NEMF: variants seen among roughly 807,000 people sequenced by gnomAD.
The protein encoded by NEMF is ribosome quality control complex subunit NEMF.
In NEMF, 89 loss-of-function variants were observed where a neutral mutation model predicts 162.2. That is an observed-to-expected ratio of 0.55 (90% CI 0.46 to 0.65). The LOEUF (loss-of-function observed/expected upper bound fraction) is 0.65. NEMF is among the 30% of genes least tolerant of loss of function. NEMF has a pLI of 0.00. For synonymous variants in NEMF, 421 were observed against 404.5 expected (o/e 1.04, Z -0.49); for missense variants, 1,133 against 1,261.9 (o/e 0.90, Z 1.55).
At chr14:49,839,268 G>C (rs1159915670) in intron 5 of NEMF, 12 of 151,598 alleles carry the variant, frequency 7.9e-5, no homozygotes. Flanking sequence ...ATTTAGTAGA[G>C]TCGGGGTTTC....
At chr14:49,815,257 T>C (rs546903721) in intron 16 of NEMF, among the ~76,000 whole-genome samples, 6 of 152,280 alleles carry the variant, frequency 3.9e-5, no homozygotes, top group South Asian at 2.1e-4. Context: ...TCTCAATAAA[T>C]GAACGTAATT....
At chr14:49,852,439 G>A (rs980079607) in intron 1 of NEMF, among the ~76,000 whole-genome samples, 2 of 152,242 alleles carry the variant, frequency 1.3e-5, no homozygotes, top group Admixed American at 1.3e-4. Context: ...GGCCAACAAT[G>A]CAAGAGCTTC....
intron 3 of NEMF, chr14:49,849,719 T>C (rs1300701248): frequency 6.6e-6 from 1 of 152,230 alleles, no homozygotes; most frequent in Non-Finnish European, 1.5e-5. Context: ...TGAAATTGTA[T>C]TTGTTCTTCA....
At chr14:49,851,765 C>A in intron 2 of NEMF, 42 bp downstream of exon 2, 3 of 1,462,372 alleles carry the variant, frequency 2.1e-6, no homozygotes, top group East Asian at 2.3e-5. Flanking sequence ...TAATCTCATA[C>A]TTAATTGTCA....
chr14:49,790,183 G>C (rs1890374451), intron 26 of NEMF, among the ~76,000 whole-genome samples: 1 of 152,054 alleles, frequency 6.6e-6, no homozygotes, highest in Non-Finnish European at 1.5e-5. Context: ...CACCGTAAAA[G>C]ACTGATACAT....
intron 4 of NEMF, among the ~76,000 whole-genome samples, chr14:49,841,279 A>G (rs1893194083): frequency 6.6e-6 from 1 of 151,736 alleles, no homozygotes; most frequent in South Asian, 2.1e-4. Context: ...AGACTACTTA[A>G]AAATTGAGAA....
intron 19 of NEMF, among the ~76,000 whole-genome samples, chr14:49,805,819 C>A (rs112625886): frequency 6.6e-6 from 1 of 152,074 alleles, no homozygotes; most frequent in African/African-American, 2.4e-5. Flanking sequence ...AAAACGGTAT[C>A]CCCTATCACT....
chr14:49,782,594 G>T lies in NEMF; in HGVS notation c.*2042C>A. The stretch of plus-strand genomic sequence containing the variant: ...TCAGTTCAACCAAAATCTCTTGTAC[G>T]GTAAGTAACTTTGTACTTGGCACTT... On this transcript the variant is annotated 3_prime_UTR_variant, in exon 33 of 33. Transcript: ENST00000298310. The T allele has an allele frequency of 1.3e-6, 2 of 1,599,162 alleles. No homozygotes were observed. The highest frequency in any genetic ancestry group is 1.1e-5 in the South Asian group (1 of 89,626).
At position 49,799,521 on chromosome 14, in the gene NEMF, C is replaced by T. The variant is rs189851166; in HGVS notation, c.2419G>A (p.Asp807Asn). Residue 807 changes from aspartate (D) to asparagine (N), a missense_variant, in exon 25 of 33, where the codon GAC becomes AAC. Coordinates refer to ENST00000298310, the MANE Select transcript of NEMF (RefSeq NM_004713.6). ...ASKEESSNSSDSKSQSRRHLS... is the reference protein window; with the variant it reads ...ASKEESSNSSNSKSQSRRHLS... ...TGTCTCCGGCTCTGTGATTTACTGT[C>T]ACTCTATTAAAACAAAAAAACAGGC... 1.3e-5 allele frequency: 21 copies of T among 1,611,590 alleles called. No individual in the cohort carries two copies. The highest frequency in any genetic ancestry group is 2.2e-5 in the East Asian group (1 of 44,800).
At chr14:49,845,949 A>C in intron 4 of NEMF, 191 bp downstream of exon 4, 1 of 566,324 alleles carries the variant, frequency 1.8e-6, no homozygotes, top group Non-Finnish European at 3.1e-6. Context: ...AAGTCTGCCT[A>C]AACTCAGACC....
At position 49,840,882 on chromosome 14, in the gene NEMF, A is replaced by T. The variant is rs1399717126; in HGVS notation, c.358-16T>A. On this transcript the variant is annotated splice_polypyrimidine_tract_variant and intron_variant, in intron 4 of 32. Transcript: ENST00000298310. ...CAATGTTCCCCTGCAATAAAATAAA[A>T]TACAATTTAGCGCTCTTTCAAATAA... 1 of 1,606,648 alleles carries T rather than the reference A, an allele frequency of 6.2e-7. No homozygotes were observed. The highest frequency in any genetic ancestry group is 2.2e-5 in the East Asian group (1 of 44,832).
chr14:49,816,804 T>C (rs987132049), intron 16 of NEMF, among the ~76,000 whole-genome samples: 4 of 152,172 alleles, frequency 2.6e-5, no homozygotes, highest in African/African-American at 4.8e-5. Context: ...GTAAAGAGGT[T>C]TGTAAAAAGA....
chr14:49,848,833 C>CAA lies in NEMF; in HGVS notation c.232-2570_232-2569dup, dbSNP rs36090515. ...CTGGTGACAGAGCAAGACTCCGTCTCAAAAAAAAAAAAAAAAAAAAAGACT... is the reference window on the plus strand; with the variant it reads ...CTGGTGACAGAGCAAGACTCCGTCTCAAAAAAAAAAAAAAAAAAAAAAAGACT... On this transcript the variant is annotated intron_variant, in intron 3 of 32. Coordinates refer to ENST00000298310, the MANE Select transcript of NEMF (RefSeq NM_004713.6). 9.3e-3 allele frequency among the ~76,000 whole-genome samples: 369 copies of CAA among 39,730 alleles called. 7 individuals carry two copies. The highest frequency in any genetic ancestry group is 0.03 in the Middle Eastern group (2 of 66). 26.1% of individuals were successfully genotyped at this position (39,730 alleles called of 152,430 possible). A position where few individuals can be genotyped will look rare whatever the true frequency, so the allele number is the denominator to read the frequency against.
chr14:49,810,620 T>G lies in NEMF; in HGVS notation c.1744+3368A>C, dbSNP rs368143183. ...ATTTGCTCTTCATTTTCAATACTGC[T>G]TTCGCTAATCTGAGTCTCCTTGCAT... On this transcript the variant is annotated intron_variant, in intron 18 of 32. Transcript: ENST00000298310. 1.3e-4 allele frequency among the ~76,000 whole-genome samples: 20 copies of G among 152,270 alleles called. No homozygotes were observed. In the East Asian group the frequency reaches 1.7e-3, roughly 13 times the overall value.
intron 1 of NEMF, 138 bp downstream of exon 1, chr14:49,852,557 T>G (rs1257245394): frequency 1.1e-6 from 1 of 881,288 alleles, no homozygotes; most frequent in African/African-American, 1.7e-5. Context: ...ACCACACGCC[T>G]GCCCACTCAG....
chr14:49,788,914 T>C (rs979092078), intron 28 of NEMF, among the ~76,000 whole-genome samples: 2 of 152,138 alleles, frequency 1.3e-5, no homozygotes, highest in East Asian at 3.9e-4. Flanking sequence ...TTAAAACTGA[T>C]TACTTCCTAA....
chr14:49,788,558 CTT>C (rs34178212), intron 28 of NEMF, among the ~76,000 whole-genome samples: 45 of 44,546 alleles, frequency 1.0e-3, no homozygotes, highest in East Asian at 3.9e-3. Context: ...TTCTCTCTCT[CTT>C]TTTTTTTTTT....
intron 11 of NEMF, among the ~76,000 whole-genome samples, chr14:49,831,080 A>G (rs79900541): frequency 0.022 from 3,336 of 152,282 alleles, 139 homozygotes; most frequent in African/African-American, 0.076. Flanking sequence ...TTTTTACAGA[A>G]TATCTGAAAT....
intron 8 of NEMF, among the ~76,000 whole-genome samples, chr14:49,833,022 T>G (rs867806889): frequency 6.6e-6 from 1 of 152,162 alleles, no homozygotes; most frequent in South Asian, 2.1e-4. Flanking sequence ...TCCCAGCACT[T>G]TGGGAGGCCA....
Sources: allele counts gnomAD v4.1 joint callset (sites outside exome capture counted in the v4.1 genomes callset), GRCh38; gene constraint gnomAD v4.1.1; transcripts MANE v1.5; gene names NCBI Gene and HGNC (gene_info 2026-07-23, HGNC 2026-07-21).